Variants in MCF2 observed in about 807,000 individuals in gnomAD.
The protein encoded by MCF2 is MCF.2 cell line derived transforming sequence.
A neutral mutation model predicts 82.5 loss-of-function variants in MCF2; 44 were observed. The ratio of observed to expected loss-of-function variants is 0.53; its 90% CI spans 0.42 to 0.69. MCF2 has a LOEUF of 0.69. Among genes scored for constraint, MCF2 ranks in the 30% least tolerant of loss-of-function variants. The pLI, the probability that MCF2 is intolerant of heterozygous loss-of-function variation, is 0.00. For synonymous variants in MCF2, 217 were observed against 224.9 expected (o/e 0.96, Z 0.32); for missense variants, 623 against 663.1 (o/e 0.94, Z 0.66).
At chrX:139,595,192 A>G (rs1480622685) in intron 19 of MCF2, among the ~76,000 whole-genome samples, 4 of 108,632 alleles carry the variant, frequency 3.7e-5, no homozygotes, top group South Asian at 4.1e-4. Context: ...ATCTAGAACT[A>G]GAAATACCAT....
chrX:139,636,033 G>A (rs760340693), intron 1 of MCF2, among the ~76,000 whole-genome samples: 2 of 111,380 alleles, frequency 1.8e-5, no homozygotes, highest in African/African-American at 6.5e-5. Context: ...AGTGGGCCAA[G>A]GACATGAAAA....
At chrX:139,596,834 C>T (rs954514613) in intron 18 of MCF2, 64 bp from the exon 23 acceptor site, 4 of 747,703 alleles carry the variant, frequency 5.3e-6, no homozygotes, top group Non-Finnish European at 8.3e-6. Flanking sequence ...CTGACACCAA[C>T]ATGTTAGGGT....
chrX:139,679,860 G>A (rs1934958918), intron 1 of MCF2, among the ~76,000 whole-genome samples: 1 of 110,394 alleles, frequency 9.1e-6, no homozygotes, highest in Non-Finnish European at 1.9e-5. Context: ...ATAACCTTAA[G>A]TATATTAATA....
At chrX:139,598,819 C>A (rs930344783) in intron 16 of MCF2, among the ~76,000 whole-genome samples, 1 of 111,697 alleles carries the variant, frequency 9.0e-6, no homozygotes, top group Admixed American at 9.5e-5. Context: ...ATGATTAAAA[C>A]GTTCTTTAAT....
intron 1 of MCF2, among the ~76,000 whole-genome samples, chrX:139,668,304 T>A: frequency 9.0e-6 from 1 of 111,052 alleles, no homozygotes; most frequent in East Asian, 2.9e-4. Context: ...CAGGATACTG[T>A]GCAGTCTGTT....
At chrX:139,664,888 T>C (rs1315726146) in intron 1 of MCF2, among the ~76,000 whole-genome samples, 1 of 111,308 alleles carries the variant, frequency 9.0e-6, no homozygotes, top group African/African-American at 3.3e-5. Context: ...AGTCAGCAAG[T>C]GATGGATCCT....
intron 1 of MCF2, among the ~76,000 whole-genome samples, chrX:139,669,581 A>G (rs748143428): frequency 2.3e-4 from 26 of 112,600 alleles, no homozygotes; most frequent in African/African-American, 7.7e-4. Context: ...ATTACTACAC[A>G]AAAACTTATA....
At chrX:139,673,702 CT>C (rs1934776259) in intron 1 of MCF2, among the ~76,000 whole-genome samples, 1 of 111,879 alleles carries the variant, frequency 8.9e-6, no homozygotes, top group Non-Finnish European at 1.9e-5. Flanking sequence ...GATTTCTGTT[CT>C]TTTACGTTTG....
In MCF2 at chrX:139,629,678, A is replaced by G; in HGVS notation, c.438+17T>C. On this transcript the variant is annotated intron_variant, in intron 4 of 24. Coordinates refer to ENST00000370576, the Ensembl canonical transcript of MCF2. ...AGACCATGGAAATCTTTTGTTTGTC[A>G]ACTCTATCAGACATACCTTCAACAG... 8.3e-7 allele frequency: 1 copy of G among 1,200,770 alleles called. No individual in the cohort carries two copies. Among genetic ancestry groups the G allele is most frequent in the South Asian group, 1.8e-5 (1 of 55,242 alleles).
At chrX:139,607,666 G>A (rs1235743587) in intron 12 of MCF2, 25 bp downstream of exon 16, 2 of 1,069,313 alleles carry the variant, frequency 1.9e-6, no homozygotes, top group African/African-American at 3.7e-5. Context: ...GTGTATGTGA[G>A]TTTATATTAA....
upstream of MCF2, among the ~76,000 whole-genome samples, chrX:139,645,145 C>A (rs1361763872): frequency 9.0e-6 from 1 of 111,064 alleles, no homozygotes; most frequent in Admixed American, 9.7e-5. Flanking sequence ...GAAAGTTGTA[C>A]ACTGAAATGT....
In MCF2 at chrX:139,582,504, C is replaced by T. The variant is rs1928562844; in HGVS notation, c.2746-1G>A. On this transcript the variant is annotated splice_acceptor_variant, in intron 24 of 24. Coordinates refer to ENST00000370576, the Ensembl canonical transcript of MCF2. LOFTEE classifies it high-confidence loss of function. ...GGAGAGCCATCTCCGACACAGGTCT[C>T]TACAAGGGAAGCAGCACCCATTATT... 1 of 1,202,506 alleles carries T rather than the reference C, an allele frequency of 8.3e-7. No homozygotes were observed. Among genetic ancestry groups the T allele is most frequent in the East Asian group, 3.0e-5 (1 of 33,780 alleles).
rs1929667561 is a variant in MCF2, at chrX:139,593,134, G to A, written c.2278-3207C>T. Among the ~76,000 whole-genome samples the A allele has an allele frequency of 2.7e-5, 3 of 111,898 alleles. No homozygotes were observed. In the South Asian group the frequency reaches 1.1e-3, roughly 41 times the overall value. On this transcript the variant is annotated intron_variant, in intron 19 of 24. Transcript: ENST00000370576. ...ATTGGTTTTAGAATTTAAAATTCAA[G>A]GAATTTATCCATTTCTTCTAGATTT...
chrX:139,622,280 T>C (rs1299981240), intron 6 of MCF2, among the ~76,000 whole-genome samples: 3 of 111,702 alleles, frequency 2.7e-5, no homozygotes, highest in Non-Finnish European at 5.6e-5. Context: ...ACATTATTGG[T>C]GGGACTGTAA....
chrX:139,596,796 A>G (rs1377131425), intron 18 of MCF2, 26 bp from the exon 23 acceptor site: 2 of 1,067,703 alleles, frequency 1.9e-6, no homozygotes, highest in African/African-American at 3.7e-5. Flanking sequence ...AAAACCCATT[A>G]GTAGAAAGCA....
At chrX:139,653,370 A>C (rs1353395891) in intron 1 of MCF2, among the ~76,000 whole-genome samples, 2 of 112,266 alleles carry the variant, frequency 1.8e-5, no homozygotes, top group Non-Finnish European at 3.8e-5. Context: ...TAGGAGACCC[A>C]AATTTCTCCC....
Position 139,596,834 on chromosome X carries a change from C to G in MCF2, c.2056-64G>C, listed in dbSNP as rs954514613. Reference sequence around the variant, plus strand: ...GCTACATTCAGCTCTCTGACACCAACATGTTAGGGTTCAGCTTAAGCTACT... The same window carrying G: ...GCTACATTCAGCTCTCTGACACCAAGATGTTAGGGTTCAGCTTAAGCTACT... On this transcript the variant is annotated intron_variant, in intron 18 of 24. Transcript: ENST00000370576. The G allele has an allele frequency of 1.2e-5, 9 of 745,841 alleles. No homozygotes were observed. The African/African-American group carries it at 1.5e-4, about 12-fold the overall frequency. The allele number at this position is 745,841 out of a possible 1,213,427, so 61.5% of individuals were successfully genotyped here.
intron 1 of MCF2, among the ~76,000 whole-genome samples, chrX:139,703,464 C>A (rs1032811432): frequency 1.8e-5 from 2 of 111,795 alleles, no homozygotes; most frequent in Non-Finnish European, 3.8e-5. Flanking sequence ...AGGCTGGGCA[C>A]GGTGGCTCAT....
chrX:139,631,624 T>C, intron 2 of MCF2, 113 bp from the exon 6 acceptor site: 1 of 482,827 alleles, frequency 2.1e-6, no homozygotes, highest in Non-Finnish European at 3.8e-6. Context: ...TGATAAATGG[T>C]TTTAACAGTT....
Sources: allele counts gnomAD v4.1 joint callset (sites outside exome capture counted in the v4.1 genomes callset), GRCh38; gene constraint gnomAD v4.1.1; transcripts MANE v1.5; gene names NCBI Gene and HGNC (gene_info 2026-07-23, HGNC 2026-07-21).